OTOG: variants seen among roughly 807,000 people sequenced by gnomAD.
OTOG encodes otogelin.
A neutral mutation model predicts 313.8 loss-of-function variants in OTOG; 296 were observed. That is an observed-to-expected ratio of 0.94 (90% CI 0.86 to 1.04). The LOEUF (loss-of-function observed/expected upper bound fraction) is 1.04. Ranked by LOEUF, OTOG falls within the 50% of genes least tolerant of loss-of-function variation. OTOG has a pLI of 0.00. For missense variants in OTOG, 3,948 were observed against 3,840.1 expected (o/e 1.03, Z -0.74); for synonymous variants, 1,533 against 1,554.9 (o/e 0.99, Z 0.33).
At position 17,610,488 on chromosome 11, in the gene OTOG, C is replaced by A. The variant is rs763372967; in HGVS notation, c.5188C>A (p.His1730Asn). 1.3e-6 allele frequency: 2 copies of A among 1,550,476 alleles called. No individual in the cohort carries two copies. Among genetic ancestry groups the A allele is most frequent in the Non-Finnish European group, 1.7e-6 (2 of 1,146,982 alleles). The change falls in exon 36 of 56, where the codon CAC becomes AAC. Residue 1730 changes from histidine to asparagine, a missense_variant. Transcript: ENST00000399397. ...ATCCACAGAGAAGGGCGAAGCCGGG[C>A]ACAGCCAGCCCATGGGCTCGCCTGC... ...VLSTEKGEAG[H>N]SQPMGSPASP...
intron 15 of OTOG, among the ~76,000 whole-genome samples, chr11:17,566,187 A>G (rs2134017232): frequency 6.6e-6 from 1 of 152,294 alleles, no homozygotes; most frequent in Middle Eastern, 3.4e-3. Context: ...CTTATGTAAC[A>G]TGGTATATAG....
chr11:17,638,825 C>A (rs760165135), intron 48 of OTOG: 244 of 1,403,662 alleles, frequency 1.7e-4, no homozygotes, highest in Non-Finnish European at 2.2e-4. Context: ...CGGCCGGGCA[C>A]GGTGGCTCAC....
intron 39 of OTOG, among the ~76,000 whole-genome samples, chr11:17,624,253 C>G (rs1853930801): frequency 6.6e-6 from 1 of 152,168 alleles, no homozygotes; most frequent in African/African-American, 2.4e-5. Context: ...ATGGTATTGC[C>G]TAGGTTATCT....
rs1289072815 is a variant in OTOG at position 17,570,355 on chromosome 11, C to T, written c.1920C>T (p.Cys640=). 5.8e-6 allele frequency: 9 copies of T among 1,550,554 alleles called. No individual in the cohort carries two copies. The highest frequency in any genetic ancestry group is 2.0e-5 in the Admixed American group (1 of 51,004). The change falls in exon 17 of 56, where the codon TGC becomes TGT. Residue 640 remains cysteine (C), a synonymous_variant. Transcript: ENST00000399397. ...GGGTGGAGGATACCGTGGGCCTCTG[C>T]GGCACCTTCAATGGCAACACGCAGG... The part of the protein sequence containing the change: ...QRWVEDTVGL[C]GTFNGNTQDD...
Position 17,611,276 on chromosome 11 carries a change from C to T in OTOG, c.5976C>T (p.Thr1992=), listed in dbSNP as rs1420741482. Residue 1992 remains threonine (T), a synonymous_variant, in exon 36 of 56, where the codon ACC becomes ACT. Coordinates refer to ENST00000399397, the MANE Select transcript of OTOG (RefSeq NM_001292063.2). ...LLPQLAEAHG[T]SAGPHLAAEP... ...CTCAGCTGGCTGAGGCCCATGGAAC[C>T]TCGGCAGGGCCTCACCTGGCAGCAG... 2 of 1,550,418 alleles carry T rather than the reference C, an allele frequency of 1.3e-6. No homozygotes were observed. Among genetic ancestry groups the T allele is most frequent in the East Asian group, 4.9e-5 (2 of 40,898 alleles).
At position 17,632,161 on chromosome 11, in the gene OTOG, C is replaced by G. The variant is rs1378637214; in HGVS notation, c.7007C>G (p.Thr2336Ser). ...KYVQQPCVAL[T>S]VYVAMCHKFH... ...GTGCAGCAGCCCTGCGTGGCCCTGACTGTGTACGTGGCCATGTGCCACAAA... is the reference window on the plus strand; with the variant it reads ...GTGCAGCAGCCCTGCGTGGCCCTGAGTGTGTACGTGGCCATGTGCCACAAA... Residue 2336 changes from threonine to serine, a missense_variant, in exon 42 of 56, where the codon ACT (threonine) becomes AGT (serine). By Grantham distance (58) the Thr-to-Ser change is moderately conservative. Coordinates refer to ENST00000399397, the MANE Select transcript of OTOG (RefSeq NM_001292063.2). 10 of 1,551,000 alleles carry G rather than the reference C, an allele frequency of 6.4e-6. No homozygotes were observed. In the East Asian group the frequency reaches 2.4e-4, roughly 38 times the overall value.
Position 17,547,439 on chromosome 11 carries a change from G to A in OTOG, c.67G>A (p.Ala23Thr). The A allele has an allele frequency of 7.2e-7, 1 of 1,391,284 alleles. No individual in the cohort carries two copies. The highest frequency in any genetic ancestry group is 9.3e-7 in the Non-Finnish European group (1 of 1,078,004). 86.2% of individuals were successfully genotyped at this position (1,391,284 alleles called of 1,614,324 possible). ...CVWLPWGEQA[A>T]ESLRVQRLAA... Reference sequence around the variant, plus strand: ...CTGGCTGCCCTGGGGTGAGCAGGCAGCCGAGTCCCTGCGGGTGCAGCGCCT... The same window carrying A: ...CTGGCTGCCCTGGGGTGAGCAGGCAACCGAGTCCCTGCGGGTGCAGCGCCT... Residue 23 changes from alanine to threonine, a missense_variant, in exon 1 of 56, where the codon GCC becomes ACC. Physicochemically the swap from Ala to Thr is moderately conservative, Grantham distance 58 (BLOSUM62 0). Transcript: ENST00000399397.
chr11:17,644,500 A>G (rs1313523260), intron 54 of OTOG, among the ~76,000 whole-genome samples: 1 of 152,242 alleles, frequency 6.6e-6, no homozygotes, highest in Non-Finnish European at 1.5e-5. Context: ...TATGTGCCAG[A>G]CACTGTTCTA....
chr11:17,572,713 G>C (rs1852431349), intron 18 of OTOG, among the ~76,000 whole-genome samples: 1 of 152,174 alleles, frequency 6.6e-6, no homozygotes, highest in South Asian at 2.1e-4. Flanking sequence ...AGGCCTTCCT[G>C]ACTGCCTGAA....
intron 48 of OTOG, 25 bp downstream of exon 48, chr11:17,638,574 CCCCGCTGGGAGAT>C: frequency 6.5e-7 from 1 of 1,544,658 alleles, no homozygotes; most frequent in Non-Finnish European, 8.8e-7. Context: ...AGGACAGCCT[CCCCGCTGGGAGAT>C]CCAGTGGCCC....
intron 17 of OTOG, 140 bp downstream of exon 17, chr11:17,570,530 A>G (rs902841702): frequency 6.0e-5 from 47 of 788,076 alleles, no homozygotes; most frequent in Non-Finnish European, 1.2e-5. Context: ...ATTTCTCTAC[A>G]TTTAAATTTA....
intron 53 of OTOG, 36 bp downstream of exon 53, chr11:17,642,282 G>A (rs1476360148): frequency 9.8e-6 from 15 of 1,526,204 alleles, no homozygotes; most frequent in Non-Finnish European, 1.3e-5. Flanking sequence ...CTGTAGGCCA[G>A]GGGCATCAGC....
chr11:17,571,633 C>T (rs1852405856), intron 17 of OTOG, among the ~76,000 whole-genome samples: 1 of 152,210 alleles, frequency 6.6e-6, no homozygotes, highest in Non-Finnish European at 1.5e-5. Flanking sequence ...TCATGATGTC[C>T]CTGTTTCTTT....
At chr11:17,626,170 C>G (rs772215921) in intron 39 of OTOG, among the ~76,000 whole-genome samples, 68 of 151,916 alleles carry the variant, frequency 4.5e-4, no homozygotes, top group Admixed American at 2.5e-3. Flanking sequence ...ATGTCTGTTT[C>G]TTTGTTTGTT....
intron 40 of OTOG, among the ~76,000 whole-genome samples, chr11:17,629,929 G>A (rs376329442): frequency 3.5e-4 from 54 of 152,206 alleles, no homozygotes; most frequent in African/African-American, 1.1e-3. Context: ...GGGGCACTCC[G>A]TGACAGACTA....
At chr11:17,572,607 A>G (rs534322052) in intron 18 of OTOG, among the ~76,000 whole-genome samples, 1 of 151,996 alleles carries the variant, frequency 6.6e-6, no homozygotes. Flanking sequence ...AGGCCTTTGC[A>G]CTTGGCAGTT....
Position 17,618,910 on chromosome 11 carries a change from G to GTATA in OTOG, c.6528+5211_6528+5214dup, listed in dbSNP as rs111591067. 2.4e-3 allele frequency among the ~76,000 whole-genome samples: 369 copies of GTATA among 152,216 alleles called. 1 individual carries two copies. The highest frequency in any genetic ancestry group is 8.4e-3 in the African/African-American group (348 of 41,536). On this transcript the variant is annotated intron_variant, in intron 39 of 55. Transcript: ENST00000399397. Reference sequence around the variant, plus strand: ...TGGTTTTAGCGTGTATACCTAATATGTATATCTAAGATGTATCTTTTTTAA... The same window carrying GTATA: ...TGGTTTTAGCGTGTATACCTAATATGTATATATATCTAAGATGTATCTTTTTTAA...
intron 32 of OTOG, among the ~76,000 whole-genome samples, chr11:17,603,875 C>G (rs1156875672): frequency 2.0e-5 from 3 of 152,150 alleles, no homozygotes; most frequent in African/African-American, 2.4e-5. Flanking sequence ...CTAGTGTTAC[C>G]TGAAGATTTT....
chr11:17,553,932 C>T (rs58496222), intron 6 of OTOG, among the ~76,000 whole-genome samples: 2,756 of 152,208 alleles, frequency 0.018, 77 homozygotes, highest in African/African-American at 0.063. Flanking sequence ...AAATGCTAAA[C>T]GAACATGTCC....
Sources: allele counts gnomAD v4.1 joint callset (sites outside exome capture counted in the v4.1 genomes callset), GRCh38; gene constraint gnomAD v4.1.1; transcripts MANE v1.5; gene names NCBI Gene and HGNC (gene_info 2026-07-23, HGNC 2026-07-21).